Variants in HS6ST3 observed in about 807,000 individuals in gnomAD.
HS6ST3 encodes the protein heparan-sulfate 6-O-sulfotransferase 3.
A neutral mutation model predicts 36.7 loss-of-function variants in HS6ST3; 12 were observed. That is an observed-to-expected ratio of 0.33 (90% CI 0.21 to 0.53). The LOEUF is 0.53. Among genes scored for constraint, HS6ST3 ranks in the 20% least tolerant of loss-of-function variants. HS6ST3 has a pLI of 0.95. For synonymous variants in HS6ST3, 240 were observed against 257.5 expected (o/e 0.93, Z 0.65); for missense variants, 584 against 640.9 (o/e 0.91, Z 0.96).
intron 1 of HS6ST3, among the ~76,000 whole-genome samples, chr13:96,310,427 T>C (rs2139408808): frequency 6.6e-6 from 1 of 152,292 alleles, no homozygotes; most frequent in Admixed American, 6.5e-5. Flanking sequence ...TTGTCTCAGC[T>C]TTTTGGATAC....
At chr13:96,544,668 A>G (rs1207077166) in intron 1 of HS6ST3, among the ~76,000 whole-genome samples, 8 of 152,182 alleles carry the variant, frequency 5.3e-5, no homozygotes, top group Non-Finnish European at 1.2e-4. Flanking sequence ...GGAAAAATTC[A>G]AAGTATGAAT....
chr13:96,787,514 T>G (rs1465609721), intron 1 of HS6ST3, among the ~76,000 whole-genome samples: 1 of 152,140 alleles, frequency 6.6e-6, no homozygotes, highest in African/African-American at 2.4e-5. Context: ...TCAATTTGCA[T>G]TTCCTTAATG....
At chr13:96,749,320 C>T (rs1039113074) in intron 1 of HS6ST3, among the ~76,000 whole-genome samples, 3 of 152,056 alleles carry the variant, frequency 2.0e-5, no homozygotes, top group Admixed American at 6.6e-5. Context: ...TATGTACCAT[C>T]TGTCTTGTTA....
chr13:96,632,180 AT>A (rs1206770345), intron 1 of HS6ST3, among the ~76,000 whole-genome samples: 3 of 152,136 alleles, frequency 2.0e-5, no homozygotes, highest in African/African-American at 7.2e-5. Flanking sequence ...TGCAGCATTC[AT>A]CCCTTTTGCC....
intron 1 of HS6ST3, among the ~76,000 whole-genome samples, chr13:96,102,631 A>C (rs915800321): frequency 5.9e-5 from 9 of 152,240 alleles, no homozygotes; most frequent in African/African-American, 2.2e-4. Flanking sequence ...ATAAAGAATA[A>C]TTAATGTAAT....
At position 96,263,799 on chromosome 13, in the gene HS6ST3, C is replaced by A. The variant is rs145130928; in HGVS notation, c.707+172230C>A. Among the ~76,000 whole-genome samples, 60 of 152,332 alleles carry A rather than the reference C, an allele frequency of 3.9e-4. No homozygotes were observed. The East Asian group carries it at 6.4e-3, about 16-fold the overall frequency. On this transcript the variant is annotated intron_variant, in intron 1 of 1. Transcript: ENST00000376705. ...GGACAAGAACAGAGCAGCCACTGAC[C>A]TAGGTCCAGATCTGGATGTTCCACT... is the stretch of plus-strand genomic sequence containing the variant.
At chr13:96,656,998 T>TGTGTGA (rs1397374817) in intron 1 of HS6ST3, among the ~76,000 whole-genome samples, 3,297 of 98,224 alleles carry the variant, frequency 0.034, 67 homozygotes, top group African/African-American at 0.051. Context: ...TGTGTGTGTG[T>TGTGTGA]GAGAGAGAGA....
chr13:96,110,377 C>A (rs118035534), intron 1 of HS6ST3, among the ~76,000 whole-genome samples: 2 of 151,696 alleles, frequency 1.3e-5, no homozygotes, highest in African/African-American at 2.4e-5. Flanking sequence ...CCAAACACCC[C>A]CCTCCAGGCC....
intron 1 of HS6ST3, among the ~76,000 whole-genome samples, chr13:96,234,685 G>A (rs1463695801): frequency 1.3e-5 from 2 of 152,000 alleles, no homozygotes; most frequent in East Asian, 3.9e-4. Context: ...CACCCCCATG[G>A]TTCAATTACC....
intron 1 of HS6ST3, among the ~76,000 whole-genome samples, chr13:96,305,821 C>T (rs546321497): frequency 1.3e-5 from 2 of 148,276 alleles, no homozygotes; most frequent in South Asian, 2.1e-4. Flanking sequence ...TTATCTGGGT[C>T]ATTGTTTGCC....
intron 1 of HS6ST3, among the ~76,000 whole-genome samples, chr13:96,268,197 C>T (rs1242479423): frequency 6.6e-6 from 1 of 151,788 alleles, no homozygotes; most frequent in Non-Finnish European, 1.5e-5. Flanking sequence ...CAATTTAGTC[C>T]TGTGTTAGTC....
At chr13:96,127,929 G>A (rs2053959303) in intron 1 of HS6ST3, among the ~76,000 whole-genome samples, 1 of 152,062 alleles carries the variant, frequency 6.6e-6, no homozygotes, top group Admixed American at 6.5e-5. Context: ...TATTCCCAAA[G>A]GTTTTGAAAT....
At chr13:96,731,684 G>A (rs1013232029) in intron 1 of HS6ST3, among the ~76,000 whole-genome samples, 1 of 151,332 alleles carries the variant, frequency 6.6e-6, no homozygotes. Flanking sequence ...TTTGAGATGG[G>A]GTCTTGCTCT....
At chr13:96,137,065 T>G (rs1365568661) in intron 1 of HS6ST3, among the ~76,000 whole-genome samples, 1 of 152,162 alleles carries the variant, frequency 6.6e-6, no homozygotes, top group Non-Finnish European at 1.5e-5. Flanking sequence ...ATGCACAATC[T>G]CAAATATGTA....
chr13:96,162,481 T>C (rs1268908363), intron 1 of HS6ST3, among the ~76,000 whole-genome samples: 1 of 152,096 alleles, frequency 6.6e-6, no homozygotes, highest in African/African-American at 2.4e-5. Context: ...GGTTTGGAGG[T>C]GCTGGAGAAA....
intron 1 of HS6ST3, among the ~76,000 whole-genome samples, chr13:96,436,858 T>C (rs75196010): frequency 0.047 from 7,166 of 152,236 alleles, 403 homozygotes; most frequent in African/African-American, 0.13. Flanking sequence ...ATTTTTGTTA[T>C]GGCAGCCCTA....
chr13:96,786,257 C>A (rs1877644806), intron 1 of HS6ST3, among the ~76,000 whole-genome samples: 1 of 152,156 alleles, frequency 6.6e-6, no homozygotes, highest in Non-Finnish European at 1.5e-5. Flanking sequence ...TCTTCTCAGA[C>A]CCTCTAACTA....
At chr13:96,140,766 T>C (rs947748586) in intron 1 of HS6ST3, among the ~76,000 whole-genome samples, 1 of 152,188 alleles carries the variant, frequency 6.6e-6, no homozygotes, top group Non-Finnish European at 1.5e-5. Flanking sequence ...GCAGCTTTTA[T>C]GTGGTGCAGG....
At chr13:96,392,370 T>C (rs1048467095) in intron 1 of HS6ST3, among the ~76,000 whole-genome samples, 5 of 152,130 alleles carry the variant, frequency 3.3e-5, no homozygotes, top group African/African-American at 9.7e-5. Context: ...CAATGATGAG[T>C]AGGGAGAGGA....
Sources: allele counts gnomAD v4.1 joint callset (sites outside exome capture counted in the v4.1 genomes callset), GRCh38; gene constraint gnomAD v4.1.1; transcripts MANE v1.5; gene names NCBI Gene and HGNC (gene_info 2026-07-23, HGNC 2026-07-21).